Variants in TUSC3 observed in about 807,000 individuals in gnomAD.
TUSC3 encodes the protein tumor suppressor candidate 3.
TUSC3 carries 45 observed loss-of-function variants against 44.8 expected under a neutral mutation model. The ratio of observed to expected loss-of-function variants is 1.00; its 90% confidence interval spans 0.79 to 1.29. The LOEUF is 1.29. Ranked by LOEUF, TUSC3 falls within the 50% of genes most tolerant of loss-of-function variation. TUSC3 has a pLI of 0.00. For synonymous variants in TUSC3, 212 were observed against 152.9 expected (o/e 1.39, Z -2.85); for missense variants, 519 against 437.9 (o/e 1.19, Z -1.65).
At chr8:15,564,798 G>A (rs1429006621) in intron 1 of TUSC3, among the ~76,000 whole-genome samples, 1 of 152,042 alleles carries the variant, frequency 6.6e-6, no homozygotes, top group East Asian at 1.9e-4. Context: ...TTGTGCTGGA[G>A]TGTCCACTCC....
chr8:15,821,359 A>ATTTTTTT, the TUSC3 span, among the ~76,000 whole-genome samples: 1 of 131,292 alleles, frequency 7.6e-6, no homozygotes, highest in Non-Finnish European at 1.6e-5. Flanking sequence ...GTATCTAGGC[A>ATTTTTTT]TTTTTTTTTT....
intron 1 of TUSC3, among the ~76,000 whole-genome samples, chr8:15,422,117 C>T (rs1186276164): frequency 1.3e-5 from 2 of 152,160 alleles, no homozygotes; most frequent in South Asian, 4.1e-4. Flanking sequence ...CCCAAAATAG[C>T]TCTTTTCTAA....
chr8:15,821,944 C>G, the TUSC3 span, among the ~76,000 whole-genome samples: 4 of 152,072 alleles, frequency 2.6e-5, no homozygotes, highest in Non-Finnish European at 5.9e-5. Flanking sequence ...AGAGGGTGAC[C>G]TCTTGGGATG....
the TUSC3 span, among the ~76,000 whole-genome samples, chr8:15,783,087 G>C: frequency 9.2e-5 from 14 of 152,196 alleles, no homozygotes; most frequent in African/African-American, 3.1e-4. Flanking sequence ...AAAAGATTAA[G>C]AGAACAATTC....
At chr8:15,708,754 G>A (rs1366585668) in intron 6 of TUSC3, among the ~76,000 whole-genome samples, 2 of 151,798 alleles carry the variant, frequency 1.3e-5, no homozygotes, top group East Asian at 1.9e-4. Context: ...TATAATCATG[G>A]CTTCTATTTC....
rs1476301429 is a variant in TUSC3 at position 15,581,426 on chromosome 8, G to GT, written c.138+40864dup. On this transcript the variant is annotated intron_variant, in intron 1 of 10. Coordinates refer to ENST00000503731, the MANE Select transcript of TUSC3 (RefSeq NM_006765.4). ...TTAGAGTTTCCAGTTTTTCAGTTCTGTTTTTTCCCCATCTTTGTGGTTTTA... is the reference window on the plus strand; with the variant it reads ...TTAGAGTTTCCAGTTTTTCAGTTCTGTTTTTTTCCCCATCTTTGTGGTTTTA... Among the ~76,000 whole-genome samples, 506 of 149,566 alleles carry GT rather than the reference G, an allele frequency of 3.4e-3. 9 individuals carry two copies. Among genetic ancestry groups the GT allele is most frequent in the East Asian group, 0.033 (169 of 5,098 alleles).
At chr8:15,825,307 G>A in the TUSC3 span, among the ~76,000 whole-genome samples, 1 of 152,136 alleles carries the variant, frequency 6.6e-6, no homozygotes, top group Non-Finnish European at 1.5e-5. Context: ...CCACATGGCT[G>A]GGGAGACCTC....
At chr8:15,684,603 G>A (rs532473892) in intron 6 of TUSC3, among the ~76,000 whole-genome samples, 13 of 152,256 alleles carry the variant, frequency 8.5e-5, no homozygotes, top group African/African-American at 2.4e-4. Context: ...GTCAGGCTGC[G>A]TTCCTCCCGG....
At chr8:15,604,422 G>A (rs1273813149) in intron 1 of TUSC3, among the ~76,000 whole-genome samples, 1 of 151,468 alleles carries the variant, frequency 6.6e-6, no homozygotes, top group East Asian at 1.9e-4. Flanking sequence ...ATGAGTACGT[G>A]GGTTTTTGTT....
chr8:15,622,880 A>G (rs1164506143), intron 1 of TUSC3, among the ~76,000 whole-genome samples, 200 bp from the exon 2 acceptor site: 2 of 152,094 alleles, frequency 1.3e-5, no homozygotes, highest in Non-Finnish European at 2.9e-5. Context: ...TCTGGGATAT[A>G]TAAGGCCAAG....
At chr8:15,554,676 C>T (rs978905505) in intron 1 of TUSC3, among the ~76,000 whole-genome samples, 4 of 144,860 alleles carry the variant, frequency 2.8e-5, no homozygotes, top group African/African-American at 1.0e-4. Context: ...GATTTCAGCT[C>T]ACTGCAAGCT....
chr8:15,691,308 T>C (rs1175116176), intron 6 of TUSC3, among the ~76,000 whole-genome samples: 1 of 152,132 alleles, frequency 6.6e-6, no homozygotes, highest in African/African-American at 2.4e-5. Context: ...GGCTTTCACC[T>C]TGGATGTTTT....
intron 2 of TUSC3, among the ~76,000 whole-genome samples, chr8:15,626,454 G>A (rs763099501): frequency 4.6e-5 from 7 of 152,332 alleles, no homozygotes; most frequent in African/African-American, 9.6e-5. Flanking sequence ...CTACCCTGCC[G>A]AGCATGGTTG....
At chr8:15,442,545 A>G (rs1461320702) in intron 1 of TUSC3, among the ~76,000 whole-genome samples, 2 of 152,276 alleles carry the variant, frequency 1.3e-5, no homozygotes, top group East Asian at 3.9e-4. Context: ...AATACACATA[A>G]AAACATGGTA....
At chr8:15,418,854 A>G (rs1254624195) in intron 1 of TUSC3, among the ~76,000 whole-genome samples, 1 of 152,124 alleles carries the variant, frequency 6.6e-6, no homozygotes, top group Non-Finnish European at 1.5e-5. Context: ...AAAAATTTAA[A>G]ACTTAGCTGG....
At chr8:15,725,628 C>T (rs562554007) in intron 6 of TUSC3, among the ~76,000 whole-genome samples, 11 of 127,212 alleles carry the variant, frequency 8.6e-5, no homozygotes, top group Admixed American at 3.4e-4. Flanking sequence ...ATGATGATGA[C>T]GGTAGATTAC....
chr8:15,516,544 C>G (rs901853163), intron 2 of TUSC3, among the ~76,000 whole-genome samples: 1 of 152,142 alleles, frequency 6.6e-6, no homozygotes. Flanking sequence ...GATTACTCTT[C>G]TTAATTAATG....
At chr8:15,533,426 A>AG (rs1234201581) in intron 2 of TUSC3, among the ~76,000 whole-genome samples, 1 of 152,184 alleles carries the variant, frequency 6.6e-6, no homozygotes, top group Non-Finnish European at 1.5e-5. Context: ...GATGACTTTG[A>AG]GTTCTGTCCT....
chr8:15,577,950 G>T (rs1803180987), intron 1 of TUSC3, among the ~76,000 whole-genome samples: 1 of 150,308 alleles, frequency 6.7e-6, no homozygotes, highest in East Asian at 2.0e-4. Flanking sequence ...CCATGAGCAT[G>T]GAATGTTCTT....
Sources: gnomAD v4.1 joint callset for allele counts (sites outside exome capture counted in the v4.1 genomes callset) on GRCh38, gnomAD v4.1.1 for gene constraint, MANE v1.5 for transcripts, NCBI Gene and HGNC (gene_info 2026-07-23, HGNC 2026-07-21) for gene names.